The following MBD5 variants were observed in gnomAD, a reference collection of about 807,000 sequenced individuals.
The protein encoded by MBD5 is methyl-CpG binding domain protein 5.
A neutral mutation model predicts 117.3 loss-of-function variants in MBD5; 13 were observed. The observed-to-expected ratio is 0.11, with a 90% confidence interval of 0.07 to 0.18. The LOEUF (loss-of-function observed/expected upper bound fraction) is 0.18, where lower values mean the gene tolerates loss of function less well. MBD5 is among the 10% of genes least tolerant of loss of function. The probability of loss-of-function intolerance (pLI) is 1.00; values close to 1 mark genes in which losing one functional copy is unlikely to be tolerated. For missense variants in MBD5, 1,879 were observed against 2,093.8 expected, an observed-to-expected ratio of 0.90 and a Z score of 2.00; for synonymous variants, 727 against 766.4, an observed-to-expected ratio of 0.95 and a Z score of 0.85.
chr2:148,439,737 CTT>C (rs761911302), intron 4 of MBD5, among the ~76,000 whole-genome samples: 21 of 130,614 alleles, frequency 1.6e-4, no homozygotes, highest in Admixed American at 2.4e-4. Context: ...CATTCTCTCT[CTT>C]TTTTTTTTTT....
At chr2:148,368,477 AAT>A (rs941684085) in intron 4 of MBD5, among the ~76,000 whole-genome samples, 24 of 152,172 alleles carry the variant, frequency 1.6e-4, no homozygotes, top group Non-Finnish European at 3.4e-4. Flanking sequence ...TATTAAAAAA[AAT>A]AAAAACTTTT....
intron 4 of MBD5, among the ~76,000 whole-genome samples, chr2:148,425,907 A>C (rs1705765981): frequency 1.3e-5 from 2 of 152,114 alleles, no homozygotes; most frequent in African/African-American, 4.8e-5. Flanking sequence ...AGAGCTATGT[A>C]TGTCAGCCCA....
chr2:148,063,403 A>G (rs1400749506), intron 1 of MBD5, among the ~76,000 whole-genome samples: 1 of 152,102 alleles, frequency 6.6e-6, no homozygotes, highest in Non-Finnish European at 1.5e-5. Flanking sequence ...AGATTGTGTT[A>G]CTCTAATGCA....
intron 3 of MBD5, among the ~76,000 whole-genome samples, chr2:148,328,121 C>G (rs1702512777): frequency 1.3e-5 from 2 of 152,188 alleles, no homozygotes; most frequent in South Asian, 4.1e-4. Context: ...CAGTCTGCCC[C>G]TGCTGGGGGG....
chr2:148,278,160 A>C (rs1293899272), intron 3 of MBD5, among the ~76,000 whole-genome samples: 1 of 152,174 alleles, frequency 6.6e-6, no homozygotes, highest in African/African-American at 2.4e-5. Flanking sequence ...CTTTGATTCT[A>C]TCTTCTTTCA....
At chr2:148,369,855 G>A (rs1164509492) in intron 4 of MBD5, among the ~76,000 whole-genome samples, 2 of 152,042 alleles carry the variant, frequency 1.3e-5, no homozygotes, top group African/African-American at 4.8e-5. Flanking sequence ...TTTGAATTCA[G>A]GATATTAATA....
At chr2:148,437,944 A>G (rs1706203066) in intron 4 of MBD5, among the ~76,000 whole-genome samples, 1 of 152,260 alleles carries the variant, frequency 6.6e-6, no homozygotes, top group African/African-American at 2.4e-5. Flanking sequence ...TTTGGTTTTT[A>G]TCTTTTAGAA....
intron 2 of MBD5, among the ~76,000 whole-genome samples, chr2:148,202,003 G>A (rs577897632): frequency 6.6e-6 from 1 of 152,286 alleles, no homozygotes; most frequent in East Asian, 1.9e-4. Context: ...GGATTTACCT[G>A]AGATTTGTAG....
chr2:148,230,017 G>A lies in MBD5; in HGVS notation c.-830-3228G>A, dbSNP rs186353738. 2.9e-3 allele frequency among the ~76,000 whole-genome samples: 443 copies of A among 152,172 alleles called. 2 individuals carry two copies. The highest frequency in any genetic ancestry group is 3.9e-3 in the Non-Finnish European group (263 of 67,998). On this transcript the variant is annotated intron_variant, in intron 2 of 13. Transcript: ENST00000642680. ...CAGACCTGAAGCCAGCACAGCACTGGGTCTCACCTGAGGCTTGCTGTAACC... is the reference window on the plus strand; with the variant it reads ...CAGACCTGAAGCCAGCACAGCACTGAGTCTCACCTGAGGCTTGCTGTAACC...
intron 4 of MBD5, among the ~76,000 whole-genome samples, chr2:148,405,777 A>T (rs973186585): frequency 6.6e-5 from 10 of 152,012 alleles, no homozygotes; most frequent in South Asian, 2.1e-4. Context: ...AGTCCTTTTT[A>T]AAAAAAAGTA....
chr2:148,467,928 G>A (rs1174378280), intron 7 of MBD5, among the ~76,000 whole-genome samples: 2 of 152,064 alleles, frequency 1.3e-5, no homozygotes, highest in African/African-American at 4.8e-5. Flanking sequence ...TATTGTAACT[G>A]CATTCTTAAA....
At chr2:148,287,296 T>C (rs1437530014) in intron 3 of MBD5, among the ~76,000 whole-genome samples, 1 of 152,224 alleles carries the variant, frequency 6.6e-6, no homozygotes, top group Non-Finnish European at 1.5e-5. Flanking sequence ...TTTATAGGCA[T>C]AGATAGCATC....
At chr2:148,221,577 T>G (rs1472825687) in intron 2 of MBD5, among the ~76,000 whole-genome samples, 1 of 152,162 alleles carries the variant, frequency 6.6e-6, no homozygotes, top group African/African-American at 2.4e-5. Flanking sequence ...GAGAAATGTT[T>G]ACTCAAATCT....
At chr2:148,354,610 T>C (rs555202387) in intron 4 of MBD5, among the ~76,000 whole-genome samples, 1 of 152,366 alleles carries the variant, frequency 6.6e-6, no homozygotes, top group Non-Finnish European at 1.5e-5. Context: ...GAATGATTTA[T>C]AATCCTTTGG....
chr2:148,474,306 G>C (rs1680888264), intron 8 of MBD5, among the ~76,000 whole-genome samples: 1 of 152,032 alleles, frequency 6.6e-6, no homozygotes, highest in Non-Finnish European at 1.5e-5. Flanking sequence ...AGTAACCCAA[G>C]CCTCTGCAGA....
intron 1 of MBD5, among the ~76,000 whole-genome samples, chr2:148,045,187 G>A (rs781245434): frequency 6.6e-6 from 1 of 152,100 alleles, no homozygotes; most frequent in Non-Finnish European, 1.5e-5. Context: ...AATACATACT[G>A]TGCATGCATT....
intron 4 of MBD5, among the ~76,000 whole-genome samples, chr2:148,391,119 C>T (rs569682998): frequency 6.6e-6 from 1 of 152,202 alleles, no homozygotes; most frequent in South Asian, 2.1e-4. Context: ...CTTTAATAAA[C>T]CTAGTAATAG....
At chr2:148,229,700 C>A (rs1699934646) in intron 2 of MBD5, among the ~76,000 whole-genome samples, 1 of 152,160 alleles carries the variant, frequency 6.6e-6, no homozygotes, top group Non-Finnish European at 1.5e-5. Flanking sequence ...GTGATCTAAG[C>A]TGTATCTGCT....
intron 1 of MBD5, among the ~76,000 whole-genome samples, chr2:148,032,114 T>C (rs1694054626): frequency 6.6e-6 from 1 of 152,142 alleles, no homozygotes; most frequent in Non-Finnish European, 1.5e-5. Context: ...TGAATTTCTT[T>C]AAACGGTGGT....
Sources: allele counts gnomAD v4.1 joint callset (sites outside exome capture counted in the v4.1 genomes callset), GRCh38; gene constraint gnomAD v4.1.1; transcripts MANE v1.5; gene names NCBI Gene and HGNC (gene_info 2026-07-23, HGNC 2026-07-21).